PKP1: variants seen among roughly 807,000 people sequenced by gnomAD.
PKP1 encodes plakophilin 1, also known as plakophilin-1.
Under a neutral mutation model 76.4 loss-of-function variants are expected in PKP1, and 27 were observed. The ratio of observed to expected loss-of-function variants is 0.35; its 90% CI spans 0.26 to 0.49. The LOEUF (loss-of-function observed/expected upper bound fraction) is 0.49, where lower values mean the gene tolerates loss of function less well. Among genes scored for constraint, PKP1 ranks in the 20% least tolerant of loss-of-function variants. The pLI is 0.99. For missense variants in PKP1, 964 were observed against 955.2 expected (o/e 1.01, Z -0.12); for synonymous variants, 404 against 384.2 (o/e 1.05, Z -0.60).
At chr1:201,314,492 C>A (rs964037408) in intron 3 of PKP1, among the ~76,000 whole-genome samples, 5 of 152,100 alleles carry the variant, frequency 3.3e-5, no homozygotes, top group African/African-American at 9.7e-5. Context: ...ACAACAACAA[C>A]AAAAACCCTG....
intron 2 of PKP1, among the ~76,000 whole-genome samples, chr1:201,312,601 T>C (rs1450716089): frequency 6.6e-6 from 1 of 152,156 alleles, no homozygotes; most frequent in Admixed American, 6.5e-5. Flanking sequence ...AAAGAAACAC[T>C]GCACCATTCG....
intron 2 of PKP1, among the ~76,000 whole-genome samples, chr1:201,305,472 G>A (rs924126807): frequency 2.6e-5 from 4 of 152,200 alleles, no homozygotes; most frequent in Admixed American, 2.6e-4. Context: ...AGCCATGATG[G>A]CAGCACTCCA....
At chr1:201,316,774 A>G (rs1656764648) in intron 4 of PKP1, 77 bp downstream of exon 4, 4 of 1,537,954 alleles carry the variant, frequency 2.6e-6, no homozygotes, top group African/African-American at 2.7e-5. Flanking sequence ...GCTTTTAGAG[A>G]TGGGTGAGGG....
intron 2 of PKP1, among the ~76,000 whole-genome samples, chr1:201,304,662 C>A (rs771283792): frequency 1.3e-5 from 2 of 152,184 alleles, no homozygotes; most frequent in Non-Finnish European, 2.9e-5. Flanking sequence ...TTCCAGGAGT[C>A]GGGGCCAGCA....
At chr1:201,307,752 G>A (rs570007253) in intron 2 of PKP1, among the ~76,000 whole-genome samples, 6 of 152,322 alleles carry the variant, frequency 3.9e-5, no homozygotes, top group South Asian at 2.1e-4. Context: ...TAGGCAAGTC[G>A]CAAATGGAAC....
At chr1:201,296,942 C>T (rs1656095897) in intron 2 of PKP1, among the ~76,000 whole-genome samples, 2 of 152,198 alleles carry the variant, frequency 1.3e-5, no homozygotes, top group Non-Finnish European at 2.9e-5. Flanking sequence ...AATAGCAAAG[C>T]TTTGTCACCT....
chr1:201,321,871 G>T, intron 7 of PKP1, 107 bp from the exon 8 acceptor site: 4 of 1,309,928 alleles, frequency 3.1e-6, no homozygotes, highest in Non-Finnish European at 4.3e-6. Flanking sequence ...CATCTTTCCC[G>T]ATGCAGCCCA....
intron 2 of PKP1, among the ~76,000 whole-genome samples, chr1:201,297,750 T>C (rs1656116458): frequency 6.6e-6 from 1 of 152,186 alleles, no homozygotes; most frequent in Admixed American, 6.5e-5. Context: ...AAGACACTCA[T>C]GAGTCTGAAT....
In PKP1 at chr1:201,298,128, C is replaced by G. The variant is rs766318892; in HGVS notation, c.306+4083C>G. Among the ~76,000 whole-genome samples, 4 of 152,316 alleles carry G rather than the reference C, an allele frequency of 2.6e-5. No individual in the cohort carries two copies. The South Asian group carries it at 8.3e-4, about 32-fold the overall frequency. ...CTCCTCTCCTAGGCTAGGGACCCAG[C>G]AGAATTACTTTAGGCTGCAGCATTT... On this transcript the variant is annotated intron_variant, in intron 2 of 13. Coordinates refer to ENST00000367324, the MANE Select transcript of PKP1 (RefSeq NM_001005337.3).
chr1:201,324,627 C>G, intron 10 of PKP1, 46 bp downstream of exon 10: 2 of 1,605,542 alleles, frequency 1.2e-6, no homozygotes, highest in Non-Finnish European at 1.7e-6. Flanking sequence ...ACATGGCAGG[C>G]TCCCTACAAT....
chr1:201,313,247 T>C lies in PKP1; in HGVS notation c.388T>C (p.Tyr130His), dbSNP rs570209532. The C allele has an allele frequency of 1.1e-5, 17 of 1,605,012 alleles. No individual in the cohort carries two copies. The highest frequency in any genetic ancestry group is 1.7e-5 in the Admixed American group (1 of 58,928). ...YSQMENWSRH[Y>H]PRGSCNTTGA... ...CCAGATGGAGAACTGGAGCCGGCAC[T>C]ACCCCCGGGGCAGCTGTAACACCAC... Residue 130 changes from tyrosine to histidine, a missense_variant, in exon 3 of 14, where the codon TAC becomes CAC. Tyr to His is a moderately conservative substitution (Grantham distance 83). Transcript: ENST00000367324.
At chr1:201,293,107 C>A (rs759279907) in intron 1 of PKP1, among the ~76,000 whole-genome samples, 2 of 152,092 alleles carry the variant, frequency 1.3e-5, no homozygotes, top group Non-Finnish European at 2.9e-5. Flanking sequence ...AAGTGGTGAG[C>A]CTGTCACCAT....
chr1:201,317,433 C>A (rs113836663), intron 4 of PKP1, 139 bp from the exon 5 acceptor site: 10 of 767,450 alleles, frequency 1.3e-5, no homozygotes, highest in African/African-American at 3.5e-5. Flanking sequence ...CCTCACACTG[C>A]TTATTTATTT....
Position 201,317,784 on chromosome 1 carries a change from G to A in PKP1, c.1054+5G>A, listed in dbSNP as rs1558192832. On this transcript the variant is annotated splice_donor_5th_base_variant and intron_variant, in intron 5 of 13. Coordinates refer to ENST00000367324, the MANE Select transcript of PKP1 (RefSeq NM_001005337.3). Reference sequence around the variant, plus strand: ...AGATCCAGAAGCAGCTGACTGGTAGGACAACACGGCCACCGAGAGCCAGCC... The same window carrying A: ...AGATCCAGAAGCAGCTGACTGGTAGAACAACACGGCCACCGAGAGCCAGCC... 4 of 1,612,490 alleles carry A rather than the reference G, an allele frequency of 2.5e-6. No individual in the cohort carries two copies. Among genetic ancestry groups the A allele is most frequent in the East Asian group, 2.2e-5 (1 of 44,830 alleles).
At chr1:201,323,440 G>GC (rs1657010742) in intron 9 of PKP1, among the ~76,000 whole-genome samples, 1 of 152,108 alleles carries the variant, frequency 6.6e-6, no homozygotes, top group Non-Finnish European at 1.5e-5. Flanking sequence ...AATCCCCTTG[G>GC]CCACATGGCT....
chr1:201,286,440 G>A (rs1343182993), intron 1 of PKP1, among the ~76,000 whole-genome samples: 1 of 152,198 alleles, frequency 6.6e-6, no homozygotes, highest in Non-Finnish European at 1.5e-5. Context: ...TTGGTCCTGT[G>A]ATAGAAGTGG....
intron 5 of PKP1, 61 bp downstream of exon 5, chr1:201,317,840 C>T (rs531037044): frequency 1.3e-6 from 2 of 1,501,384 alleles, no homozygotes; most frequent in Admixed American, 1.8e-5. Flanking sequence ...TGGCTATGGC[C>T]CCAGGCTGGG....
At chr1:201,294,356 A>AT (rs1466370391) in intron 2 of PKP1, among the ~76,000 whole-genome samples, 2 of 152,194 alleles carry the variant, frequency 1.3e-5, no homozygotes, top group African/African-American at 4.8e-5. Flanking sequence ...AAATGTTTGC[A>AT]TTCTTGAGGT....
chr1:201,326,001 G>A (rs931773093), intron 12 of PKP1, among the ~76,000 whole-genome samples, 163 bp downstream of exon 12: 16 of 152,170 alleles, frequency 1.1e-4, no homozygotes, highest in African/African-American at 3.6e-4. Flanking sequence ...TGTGATGAAC[G>A]TTCTGATCAA....
Sources: allele counts gnomAD v4.1 joint callset (sites outside exome capture counted in the v4.1 genomes callset), GRCh38; gene constraint gnomAD v4.1.1; transcripts MANE v1.5; gene names NCBI Gene and HGNC (gene_info 2026-07-23, HGNC 2026-07-21).